Variants in MGAM2 observed in about 807,000 individuals in gnomAD.
MGAM2 encodes the protein maltase-glucoamylase 2 (putative).
Under a neutral mutation model 96.1 loss-of-function variants are expected in MGAM2, and 98 were observed. The observed-to-expected ratio is 1.02, with a 90% CI of 0.87 to 1.21. The LOEUF (loss-of-function observed/expected upper bound fraction) is 1.21. Ranked by LOEUF, MGAM2 falls within the 50% of genes most tolerant of loss-of-function variation. MGAM2 has a pLI of 0.00. For synonymous variants in MGAM2, 749 were observed against 414.8 expected, an observed-to-expected ratio of 1.81 and a Z score of -9.79; for missense variants, 2,055 against 1,182.4, an observed-to-expected ratio of 1.74 and a Z score of -10.82.
intron 3 of MGAM2, among the ~76,000 whole-genome samples, chr7:142,123,014 GA>G (rs1294446133): frequency 1.3e-5 from 2 of 152,126 alleles, no homozygotes; most frequent in Non-Finnish European, 2.9e-5. Context: ...ATTTTTAGTA[GA>G]GACGGGGTTT....
rs745943288 is a variant in MGAM2, at chr7:142,189,428, C to T, written c.4269C>T (p.Ile1423=). The change falls in exon 37 of 48, where the codon ATC becomes ATT. Residue 1423 remains isoleucine, a synonymous_variant. Coordinates refer to ENST00000477922, the MANE Select transcript of MGAM2 (RefSeq NM_001293626.2). ...SKTLCMESQQ[I]LPDSSPVEHY... ...CTCTGTGCATGGAGAGTCAGCAGAT[C>T]CTGCCGGACAGCTCCCCCGTGGAGC... is the stretch of plus-strand genomic sequence containing the variant. 3 of 748,320 alleles carry T rather than the reference C, an allele frequency of 4.0e-6. No individual in the cohort carries two copies. Among genetic ancestry groups the T allele is most frequent in the Non-Finnish European group, 7.2e-6 (3 of 414,514 alleles). 46.4% of individuals were successfully genotyped at this position (748,320 alleles called of 1,614,324 possible). A position where few individuals can be genotyped will look rare whatever the true frequency, so the allele number is the denominator to read the frequency against.
At chr7:142,153,125 A>G (rs1213355620) in intron 15 of MGAM2, among the ~76,000 whole-genome samples, 12 of 150,778 alleles carry the variant, frequency 8.0e-5, no homozygotes, top group Non-Finnish European at 1.8e-4. Context: ...TCTTCTGAGT[A>G]TGAGTAGCTG....
intron 32 of MGAM2, among the ~76,000 whole-genome samples, chr7:142,182,947 G>T (rs4424175): frequency 0.19 from 28,741 of 152,064 alleles, 3,000 homozygotes; most frequent in East Asian, 0.34. Context: ...CTTACAGGTT[G>T]GGGTGGTAAC....
chr7:142,200,493 T>C (rs975220051), intron 45 of MGAM2, among the ~76,000 whole-genome samples: 5 of 152,212 alleles, frequency 3.3e-5, no homozygotes, highest in Non-Finnish European at 7.4e-5. Flanking sequence ...CCAGTTGAGA[T>C]AGAGTATGTT....
At chr7:142,178,861 G>A (rs904689479) in intron 32 of MGAM2, among the ~76,000 whole-genome samples, 83 of 152,152 alleles carry the variant, frequency 5.5e-4, no homozygotes, top group East Asian at 1.9e-4. Flanking sequence ...TTTGGTTAGC[G>A]TGGCCATTGT....
intron 14 of MGAM2, among the ~76,000 whole-genome samples, chr7:142,146,837 C>T (rs1034925385): frequency 6.6e-6 from 1 of 151,958 alleles, no homozygotes; most frequent in Non-Finnish European, 1.5e-5. Flanking sequence ...AAGTGATTCT[C>T]CTGCCTCAGC....
At position 142,198,188 on chromosome 7, in the gene MGAM2, A is replaced by AT. The variant is rs1311453764; in HGVS notation, c.4917dup (p.Ser1640Ter). ...TTTCCGAGAGCCCGTTGGTATGACTATAGCACGGTAAGAACTAATATATTT... is the reference window on the plus strand; with the variant it reads ...TTTCCGAGAGCCCGTTGGTATGACTATTAGCACGGTAAGAACTAATATATTT... On this transcript the variant is annotated frameshift_variant, in exon 43 of 48. Transcript: ENST00000477922. LOFTEE classifies it high-confidence loss of function. The AT allele has an allele frequency of 4.3e-6, 3 of 702,882 alleles. No individual in the cohort carries two copies. Among genetic ancestry groups the AT allele is most frequent in the Admixed American group, 2.0e-5 (1 of 49,982 alleles). The allele number at this position is 702,882 out of a possible 1,614,324, so 43.5% of individuals were successfully genotyped here.
At chr7:142,188,706 T>C (rs574747789) in intron 36 of MGAM2, among the ~76,000 whole-genome samples, 1 of 152,216 alleles carries the variant, frequency 6.6e-6, no homozygotes, top group Non-Finnish European at 1.5e-5. Context: ...GAAACCGAAC[T>C]TTGAGAGCCC....
At chr7:142,163,188 A>G (rs1251290411) in intron 23 of MGAM2, among the ~76,000 whole-genome samples, 1 of 152,228 alleles carries the variant, frequency 6.6e-6, no homozygotes, top group African/African-American at 2.4e-5. Flanking sequence ...GATTAATAGT[A>G]TCTGGGATGG....
chr7:142,112,149 C>T (rs1025370137), intron 1 of MGAM2, among the ~76,000 whole-genome samples: 1 of 151,872 alleles, frequency 6.6e-6, no homozygotes. Context: ...CTTCTGGAAA[C>T]TATCTCAAGA....
intron 3 of MGAM2, among the ~76,000 whole-genome samples, chr7:142,128,285 T>C (rs1389037512): frequency 6.6e-6 from 1 of 152,212 alleles, no homozygotes; most frequent in Admixed American, 6.5e-5. Flanking sequence ...GGTTTGGAAT[T>C]GGAACTTATG....
chr7:142,149,724 G>T (rs1257775976), intron 15 of MGAM2, among the ~76,000 whole-genome samples: 1 of 151,712 alleles, frequency 6.6e-6, no homozygotes, highest in African/African-American at 2.4e-5. Context: ...GTATTTTTTA[G>T]TAGAGACGGG....
rs1160896260 is a variant in MGAM2 at position 142,161,993 on chromosome 7, T to C, written c.2473T>C (p.Ser825Pro). The C allele has an allele frequency of 5.8e-6, 4 of 694,352 alleles. No individual in the cohort carries two copies. In the South Asian group the frequency reaches 6.1e-5, roughly 11 times the overall value. The allele number at this position is 694,352 out of a possible 1,614,324, so 43.0% of individuals were successfully genotyped here. A position where few individuals can be genotyped will look rare whatever the true frequency, so the allele number is the denominator to read the frequency against. ...TEKKYILYDF[S>P]VTSNHLQAKI... ...AAAGAAGTATATTCTATATGATTTC[T>C]CTGTTACCTCTGTAAGTATTTTGTT... The change falls in exon 23 of 48, where the codon TCT (serine) becomes CCT (proline). Residue 825 changes from serine to proline, a missense_variant. Coordinates refer to ENST00000477922, the MANE Select transcript of MGAM2 (RefSeq NM_001293626.2).
chr7:142,173,439 A>T, intron 31 of MGAM2, 85 bp downstream of exon 31: 1 of 651,458 alleles, frequency 1.5e-6, no homozygotes, highest in Non-Finnish European at 2.8e-6. Flanking sequence ...TGATGTTCTT[A>T]TCAAAGATAA....
chr7:142,197,799 G>C (rs899233002), intron 42 of MGAM2, 71 bp downstream of exon 42: 1 of 699,884 alleles, frequency 1.4e-6, no homozygotes, highest in Non-Finnish European at 2.6e-6. Context: ...GCATTTTAAA[G>C]ATCATCTTAT....
rs1198032724 is a variant in MGAM2, at chr7:142,221,179, C to T, written c.6668C>T (p.Pro2223Leu). ...NTTVIMATTS[P>L]TSTDVASTNN... ...ACTGTTATTATGGCAACTACTTCTC[C>T]TACAAGTACTGATGTTGCTAGCACA... The change falls in exon 48 of 48, where the codon CCT becomes CTT. Residue 2223 changes from proline (P) to leucine (L), a missense_variant. Pro to Leu is a moderately conservative substitution (Grantham distance 98). Coordinates refer to ENST00000477922, the MANE Select transcript of MGAM2 (RefSeq NM_001293626.2). 2 of 702,540 alleles carry T rather than the reference C, an allele frequency of 2.8e-6. No individual in the cohort carries two copies. Among genetic ancestry groups the T allele is most frequent in the South Asian group, 1.5e-5 (1 of 67,578 alleles). 43.5% of individuals were successfully genotyped at this position (702,540 alleles called of 1,614,324 possible). A position where few individuals can be genotyped will look rare whatever the true frequency, so the allele number is the denominator to read the frequency against.
chr7:142,114,114 G>C (rs1039971188), intron 1 of MGAM2, among the ~76,000 whole-genome samples: 1 of 145,794 alleles, frequency 6.9e-6, no homozygotes, highest in Non-Finnish European at 1.5e-5. Flanking sequence ...CAGGGCAACA[G>C]AGCGAGACTC....
chr7:142,209,166 T>A (rs1051600152), intron 46 of MGAM2, among the ~76,000 whole-genome samples: 1 of 152,196 alleles, frequency 6.6e-6, no homozygotes, highest in Non-Finnish European at 1.5e-5. Flanking sequence ...CTGACTCTCA[T>A]ATGATTTATC....
chr7:142,161,642 T>C (rs1795890500), intron 22 of MGAM2, among the ~76,000 whole-genome samples: 1 of 152,232 alleles, frequency 6.6e-6, no homozygotes, highest in African/African-American at 2.4e-5. Flanking sequence ...AATCCTGTCC[T>C]ACATGGAATT....
Sources: allele counts gnomAD v4.1 joint callset (sites outside exome capture counted in the v4.1 genomes callset), GRCh38; gene constraint gnomAD v4.1.1; transcripts MANE v1.5; gene names NCBI Gene and HGNC (gene_info 2026-07-23, HGNC 2026-07-21).